INSR: variants seen among roughly 807,000 people sequenced by gnomAD.
The protein encoded by INSR is insulin receptor.
INSR carries 67 observed loss-of-function variants against 142.6 expected under a neutral mutation model. That is an observed-to-expected ratio of 0.47 (90% confidence interval 0.39 to 0.58). INSR has a LOEUF of 0.58. Among genes scored for constraint, INSR ranks in the 20% least tolerant of loss-of-function variants. The probability of loss-of-function intolerance (pLI) is 0.00; values close to 1 mark genes in which losing one functional copy is unlikely to be tolerated. For missense variants in INSR, 1,248 were observed against 1,833.2 expected, an observed-to-expected ratio of 0.68 and a Z score of 5.83; for synonymous variants, 756 against 743.1, an observed-to-expected ratio of 1.02 and a Z score of -0.28.
chr19:7,124,379 A>C (rs28675285), intron 17 of INSR, among the ~76,000 whole-genome samples: 4 of 38,942 alleles, frequency 1.0e-4, no homozygotes, highest in African/African-American at 3.0e-4. Flanking sequence ...AAAAAAAAAA[A>C]AAAAAAACAA....
At position 7,141,894 on chromosome 19, in the gene INSR, C is replaced by T. The variant is rs137892120; in HGVS notation, c.2543-78G>A. The T allele has an allele frequency of 1.2e-4, 149 of 1,217,428 alleles. No homozygotes were observed. The African/African-American group carries it at 2.1e-3, about 17-fold the overall frequency. The allele number at this position is 1,217,428 out of a possible 1,614,324, so 75.4% of individuals were successfully genotyped here. ...CTTCTGCCACCTGTCCATGGTGCAA[C>T]CTTGGGCTGGTGACGTCATTTTCCC... is the stretch of plus-strand genomic sequence containing the variant. On this transcript the variant is annotated intron_variant, in intron 12 of 21. Coordinates refer to ENST00000302850, the MANE Select transcript of INSR (RefSeq NM_000208.4).
At chr19:7,122,557 T>G in intron 19 of INSR, 57 bp downstream of exon 19, 1 of 1,592,842 alleles carries the variant, frequency 6.3e-7, no homozygotes. Flanking sequence ...ACAACTTCCT[T>G]CTGAAATCAA....
intron 2 of INSR, among the ~76,000 whole-genome samples, chr19:7,196,388 C>T (rs1234471741): frequency 2.0e-5 from 3 of 152,138 alleles, no homozygotes; most frequent in South Asian, 2.1e-4. Flanking sequence ...TAGAATAAAA[C>T]GTAAACAATT....
chr19:7,293,565 G>A (rs914834748), intron 1 of INSR, among the ~76,000 whole-genome samples: 14 of 152,082 alleles, frequency 9.2e-5, no homozygotes, highest in African/African-American at 2.9e-4. Flanking sequence ...AAGGTTCCTC[G>A]GGCTCAGGTC....
chr19:7,143,664 T>C (rs576144073), intron 11 of INSR, among the ~76,000 whole-genome samples: 3 of 152,306 alleles, frequency 2.0e-5, no homozygotes, highest in African/African-American at 7.2e-5. Context: ...GAAACATCTA[T>C]GCAATTGGCA....
At chr19:7,289,458 T>G (rs1156474420) in intron 1 of INSR, among the ~76,000 whole-genome samples, 1 of 149,526 alleles carries the variant, frequency 6.7e-6, no homozygotes, top group African/African-American at 2.5e-5. Flanking sequence ...CAGGCTAGAA[T>G]GCAATGGTGT....
At chr19:7,123,256 C>T (rs771406958) in intron 17 of INSR, 8 of 427,196 alleles carry the variant, frequency 1.9e-5, no homozygotes, top group Non-Finnish European at 3.1e-5. Flanking sequence ...GCAACCTTTG[C>T]CTCCCGGGTT....
In INSR at chr19:7,125,388, C is replaced by T; in HGVS notation, c.3153G>A (p.Glu1051=). The stretch of plus-strand genomic sequence containing the variant: ...TGACCGTCTTCACCGCCACGCGGGT[C>T]TCTGCCTCACCCTTGATGATGTCCC... ...NARDIIKGEA[E]TRVAVKTVNE... is the part of the protein sequence containing the mutation. Residue 1051 remains glutamate, a synonymous_variant, in exon 17 of 22, where the codon GAG becomes GAA. Transcript: ENST00000302850. The surrounding 1 kb of genome is among the most constrained non-coding windows in gnomAD (Gnocchi z 4.9). 1.2e-6 allele frequency: 2 copies of T among 1,614,144 alleles called. No homozygotes were observed. The highest frequency in any genetic ancestry group is 3.3e-4 in the Middle Eastern group (2 of 6,062).
chr19:7,127,153 C>G (rs1032088173), intron 15 of INSR, among the ~76,000 whole-genome samples: 1 of 152,162 alleles, frequency 6.6e-6, no homozygotes, highest in African/African-American at 2.4e-5. Flanking sequence ...CTGCCTCATC[C>G]TCCCGAGCGG....
chr19:7,144,644 T>C (rs953635561), intron 11 of INSR, among the ~76,000 whole-genome samples: 4 of 152,036 alleles, frequency 2.6e-5, no homozygotes, highest in African/African-American at 4.8e-5. Flanking sequence ...CCTCAGGTGA[T>C]CTGCCCACCT....
At chr19:7,198,738 C>G (rs1287867862) in intron 2 of INSR, among the ~76,000 whole-genome samples, 2 of 152,190 alleles carry the variant, frequency 1.3e-5, no homozygotes, top group Non-Finnish European at 2.9e-5. Context: ...CTCATAAATA[C>G]ATTCTTAAAA....
At chr19:7,185,295 C>G (rs11670892) in intron 2 of INSR, among the ~76,000 whole-genome samples, 21,491 of 152,206 alleles carry the variant, frequency 0.14, 1,862 homozygotes, top group South Asian at 0.22. Context: ...CTGGCTCCAG[C>G]AAGCCAACTC....
intron 13 of INSR, among the ~76,000 whole-genome samples, chr19:7,135,520 A>G (rs1950277868): frequency 1.3e-5 from 2 of 151,380 alleles, no homozygotes; most frequent in Non-Finnish European, 2.9e-5. Flanking sequence ...TTGAAAAAAA[A>G]AAAAAAATTA....
intron 2 of INSR, among the ~76,000 whole-genome samples, chr19:7,251,818 G>A (rs1207502375): frequency 6.6e-6 from 1 of 151,990 alleles, no homozygotes; most frequent in East Asian, 1.9e-4. Context: ...CTATTCATTT[G>A]TTTGGTGTGG....
At chr19:7,153,887 C>G (rs1973517178) in intron 9 of INSR, among the ~76,000 whole-genome samples, 1 of 151,654 alleles carries the variant, frequency 6.6e-6, no homozygotes, top group Admixed American at 6.6e-5. Context: ...AAAAATAGGC[C>G]AGGCAGCTCA....
Position 7,119,690 on chromosome 19 carries a change from A to C in INSR, c.3660-107T>G. The C allele has an allele frequency of 1.6e-6, 2 of 1,222,542 alleles. No individual in the cohort carries two copies. The highest frequency in any genetic ancestry group is 1.2e-5 in the South Asian group (1 of 81,768). 75.7% of individuals were successfully genotyped at this position (1,222,542 alleles called of 1,614,324 possible). ...AACGCACACACACACGCAAACACAC[A>C]TGCCAACACATACATGCAAACACAC... On this transcript the variant is annotated intron_variant, in intron 20 of 21. Coordinates refer to ENST00000302850, the MANE Select transcript of INSR (RefSeq NM_000208.4). The surrounding 1 kb of genome is among the most constrained non-coding windows in gnomAD (Gnocchi z 5.2).
chr19:7,147,879 C>T (rs955511591), intron 11 of INSR, among the ~76,000 whole-genome samples: 2 of 151,770 alleles, frequency 1.3e-5, no homozygotes, highest in Admixed American at 1.3e-4. Context: ...AAGATTATAA[C>T]CAAAAAGACC....
rs150264851 is a variant in INSR at position 7,143,605 on chromosome 19, A to G, written c.2268-515T>C. Among the ~76,000 whole-genome samples, 919 of 152,340 alleles carry G rather than the reference A, an allele frequency of 6.0e-3. 8 individuals are homozygous for G. Among genetic ancestry groups the G allele is most frequent in the Middle Eastern group, 0.024 (7 of 294 alleles). ...GTATAATTTGAGTGATTAAGCTGCA[A>G]TTCTTAGAAAAGGAATCACATCACT... On this transcript the variant is annotated intron_variant, in intron 11 of 21. Coordinates refer to ENST00000302850, the MANE Select transcript of INSR (RefSeq NM_000208.4).
At chr19:7,226,204 G>A (rs932052485) in intron 2 of INSR, among the ~76,000 whole-genome samples, 4 of 150,174 alleles carry the variant, frequency 2.7e-5, no homozygotes, top group South Asian at 2.1e-4. Flanking sequence ...TCAAGAGATC[G>A]AGACCATCCT....
Sources: allele counts gnomAD v4.1 joint callset (sites outside exome capture counted in the v4.1 genomes callset), GRCh38; gene constraint gnomAD v4.1.1; non-coding constraint Gnocchi (gnomAD v3.1); transcripts MANE v1.5; gene names NCBI Gene and HGNC (gene_info 2026-07-23, HGNC 2026-07-21).